Variants in PCDHGA2 observed in about 807,000 individuals in gnomAD.
The protein encoded by PCDHGA2 is protocadherin gamma-A2.
PCDHGA2 carries 40 observed loss-of-function variants against 59.2 expected under a neutral mutation model. The observed-to-expected ratio is 0.68, with a 90% CI of 0.52 to 0.88. The LOEUF (loss-of-function observed/expected upper bound fraction) is 0.88, where lower values mean the gene tolerates loss of function less well. PCDHGA2 is among the 40% of genes least tolerant of loss of function. PCDHGA2 has a pLI of 0.00. For synonymous variants in PCDHGA2, 560 were observed against 526.0 expected (o/e 1.06, Z -0.89); for missense variants, 1,226 against 1,204.0 (o/e 1.02, Z -0.27).
chr5:141,433,837 C>CAAAAAAAAA (rs56191208), intron 1 of PCDHGA2, among the ~76,000 whole-genome samples: 1 of 111,704 alleles, frequency 9.0e-6, no homozygotes, highest in Non-Finnish European at 1.9e-5. Flanking sequence ...AACTCTATCT[C>CAAAAAAAAA]AAAAAAAAAA....
At chr5:141,449,723 GA>G (rs1432635918) in intron 1 of PCDHGA2, among the ~76,000 whole-genome samples, 2 of 150,880 alleles carry the variant, frequency 1.3e-5, no homozygotes, top group Admixed American at 6.6e-5. Flanking sequence ...TATATGATAT[GA>G]TTTTTTTATG....
chr5:141,367,536 C>CT (rs1376897976), intron 1 of PCDHGA2: 1 of 106,510 alleles, frequency 9.4e-6, no homozygotes, highest in African/African-American at 4.5e-5. Context: ...GACTCCGTCT[C>CT]AAAATAAATA....
chr5:141,423,759 G>GGC, intron 1 of PCDHGA2: 9 of 321,042 alleles, frequency 2.8e-5, no homozygotes, highest in Non-Finnish European at 3.6e-5. Context: ...TTGGGGGGGG[G>GGC]GTGGGGCGGC....
At chr5:141,342,109 C>T (rs967210285) in intron 1 of PCDHGA2, 1 of 37,888 alleles carries the variant, frequency 2.6e-5, no homozygotes, top group Non-Finnish European at 6.5e-5. Context: ...ACAGGTTTCT[C>T]CTTTTTTTTT....
chr5:141,472,980 C>CAAAAAAAAAAA (rs60579131), intron 1 of PCDHGA2, among the ~76,000 whole-genome samples: 11 of 86,030 alleles, frequency 1.3e-4, no homozygotes, highest in Non-Finnish European at 1.3e-4. Flanking sequence ...GAGTGAAACT[C>CAAAAAAAAAAA]AAAAAAAAAA....
rs776440788 is a variant in PCDHGA2, at chr5:141,357,631, T to C, written c.2424+16236T>C. ...AGACCCTAATCTTCAGGTGAGTCAA[T>C]CTTATAATAGATCATACCACACTGA... On this transcript the variant is annotated intron_variant, in intron 1 of 3. Transcript: ENST00000394576. 6.8e-6 allele frequency: 11 copies of C among 1,613,284 alleles called. No individual in the cohort carries two copies. The Admixed American group carries it at 1.8e-4, about 27-fold the overall frequency.
In PCDHGA2 at chr5:141,493,521, G is replaced by A. The variant is rs967636266; in HGVS notation, c.2425-1286G>A. Among the ~76,000 whole-genome samples the A allele has an allele frequency of 3.9e-5, 6 of 152,242 alleles. No homozygotes were observed. In the East Asian group the frequency reaches 7.7e-4, roughly 20 times the overall value. The stretch of plus-strand genomic sequence containing the variant: ...CTCATTTCTGAGCAGTCCCCGCAGC[G>A]CAAACTTGGCCAGTTATCCTTTTGG... On this transcript the variant is annotated intron_variant, in intron 1 of 3. Coordinates refer to ENST00000394576, the MANE Select transcript of PCDHGA2 (RefSeq NM_018915.4). This position sits in a 1 kb window ranked among gnomAD's most constrained non-coding sequence, Gnocchi z 4.3.
In PCDHGA2 at chr5:141,355,299, C is replaced by T. The variant is rs537879124; in HGVS notation, c.2424+13904C>T. On this transcript the variant is annotated intron_variant, in intron 1 of 3. Transcript: ENST00000394576. ...AAATCAGGGCCGAACAGATTCTCTA[C>T]TCGGTGTTTGAGGAGCAGGAAGAAG... 2.9e-4 allele frequency: 464 copies of T among 1,613,922 alleles called. 4 individuals carry two copies. In the East Asian group the frequency reaches 7.4e-3, roughly 26 times the overall value.
chr5:141,462,998 C>A (rs562002585), intron 1 of PCDHGA2, among the ~76,000 whole-genome samples: 3 of 152,190 alleles, frequency 2.0e-5, no homozygotes, highest in Admixed American at 2.0e-4. Context: ...CTAATTTAGA[C>A]CTACCACTTA....
At chr5:141,394,195 T>A (rs930890690) in intron 1 of PCDHGA2, 1 of 1,613,768 alleles carries the variant, frequency 6.2e-7, no homozygotes, top group Non-Finnish European at 8.5e-7. Context: ...TCAGCGTATA[T>A]CCTAGAGAAC....
Position 141,341,012 on chromosome 5 carries a change from T to C in PCDHGA2, c.2041T>C (p.Ser681Pro), listed in dbSNP as rs11575970. 6.2e-7 allele frequency: 1 copy of C among 1,613,972 alleles called. No individual in the cohort carries two copies. Among genetic ancestry groups the C allele is most frequent in the South Asian group, 1.1e-5 (1 of 91,074 alleles). Residue 681 changes from serine (S) to proline (P), a missense_variant, in exon 1 of 4, where the codon TCC becomes CCC. Ser to Pro is a moderately conservative substitution (Grantham distance 74, BLOSUM62 -1). Coordinates refer to ENST00000394576, the MANE Select transcript of PCDHGA2 (RefSeq NM_018915.4). ...ILADLGSLEPSAIPNDSDLTL... is the reference protein window; with the variant it reads ...ILADLGSLEPPAIPNDSDLTL... ...GGCCGACCTGGGCAGCCTCGAGCCCTCCGCCATACCCAACGATTCGGACCT... is the reference window on the plus strand; with the variant it reads ...GGCCGACCTGGGCAGCCTCGAGCCCCCCGCCATACCCAACGATTCGGACCT...
chr5:141,420,076 T>A, intron 1 of PCDHGA2: 2 of 1,613,956 alleles, frequency 1.2e-6, no homozygotes, highest in Non-Finnish European at 1.7e-6. Context: ...GACCTGTGGG[T>A]CCCCCCAACT....
rs769057975 is a variant in PCDHGA2 at position 141,345,323 on chromosome 5, G to T, written c.2424+3928G>T. ...TGAGAGCCTCAGATGGGGGAAGCCC[G>T]CCACTGTCCACAGAAACTCACATCA... On this transcript the variant is annotated intron_variant, in intron 1 of 3. Coordinates refer to ENST00000394576, the MANE Select transcript of PCDHGA2 (RefSeq NM_018915.4). The T allele has an allele frequency of 1.1e-5, 18 of 1,613,784 alleles. No individual in the cohort carries two copies. In the Middle Eastern group the frequency reaches 6.6e-4, roughly 59 times the overall value.
intron 1 of PCDHGA2, chr5:141,422,218 A>T: frequency 1.3e-6 from 2 of 1,564,130 alleles, no homozygotes; most frequent in Non-Finnish European, 8.6e-7. Flanking sequence ...TCTCTTTACC[A>T]CCACGACGAT....
intron 1 of PCDHGA2, chr5:141,419,315 C>G (rs2096357855): frequency 1.2e-6 from 2 of 1,613,998 alleles, no homozygotes; most frequent in Non-Finnish European, 1.7e-6. Flanking sequence ...GCTCAACGGC[C>G]GTGTCTCCTA....
In PCDHGA2 at chr5:141,486,565, T is replaced by C; in HGVS notation, c.2425-8242T>C. ...TTCAGAGGTCACATGAGGTGTTTGT[T>C]CCTGAGAACAATCGCCCAGGGGACC... On this transcript the variant is annotated intron_variant, in intron 1 of 3. Coordinates refer to ENST00000394576, the MANE Select transcript of PCDHGA2 (RefSeq NM_018915.4). The surrounding 1 kb of genome is among the most constrained non-coding windows in gnomAD (Gnocchi z 5.0). 6.2e-7 allele frequency: 1 copy of C among 1,614,024 alleles called. No homozygotes were observed. Among genetic ancestry groups the C allele is most frequent in the Non-Finnish European group, 8.5e-7 (1 of 1,180,032 alleles).
chr5:141,505,528 C>T (rs746609783), intron 3 of PCDHGA2, 47 bp downstream of exon 3: 4 of 1,612,320 alleles, frequency 2.5e-6, no homozygotes, highest in Non-Finnish European at 3.4e-6. Context: ...ACCTGGGGTT[C>T]TGGGGTGCAT....
chr5:141,428,891 G>A (rs1382228334), intron 1 of PCDHGA2: 3 of 149,832 alleles, frequency 2.0e-5, no homozygotes, highest in East Asian at 3.9e-4. Flanking sequence ...GTCTCGCTCT[G>A]TGGTCCAGGC....
At chr5:141,394,028 G>A (rs758413971) in intron 1 of PCDHGA2, 1 of 1,613,454 alleles carries the variant, frequency 6.2e-7, no homozygotes, top group Admixed American at 1.7e-5. Flanking sequence ...ATAGATTAGT[G>A]ACAAGGAAAT....
Sources: gnomAD v4.1 joint callset for allele counts (sites outside exome capture counted in the v4.1 genomes callset) on GRCh38, gnomAD v4.1.1 for gene constraint, Gnocchi (gnomAD v3.1) non-coding constraint, MANE v1.5 for transcripts, NCBI Gene and HGNC (gene_info 2026-07-23, HGNC 2026-07-21) for gene names.